The following CENPN variants were observed in gnomAD, a reference collection of about 807,000 sequenced individuals.
CENPN encodes centromere protein N, also known as interphase centromere complex protein 32.
In CENPN, 36 loss-of-function variants were observed where a neutral mutation model predicts 48.6. The observed-to-expected ratio is 0.74, with a 90% CI of 0.57 to 0.98. CENPN has a LOEUF of 0.98. CENPN is among the 50% of genes least tolerant of loss of function. The pLI, the probability that CENPN is intolerant of heterozygous loss-of-function variation, is 0.00. For synonymous variants in CENPN, 166 were observed against 135.2 expected, an observed-to-expected ratio of 1.23 and a Z score of -1.58; for missense variants, 439 against 399.2, an observed-to-expected ratio of 1.10 and a Z score of -0.85.
intron 3 of CENPN, 37 bp downstream of exon 3, chr16:81,014,218 C>A (rs772006356): frequency 5.7e-6 from 9 of 1,579,880 alleles, no homozygotes; most frequent in Non-Finnish European, 7.0e-6. Context: ...CTTAACCAAT[C>A]AGTTTATTAG....
chr16:81,021,286 G>A (rs796323416), intron 6 of CENPN, among the ~76,000 whole-genome samples: 2 of 152,264 alleles, frequency 1.3e-5, no homozygotes, highest in African/African-American at 4.8e-5. Flanking sequence ...TTCTCTTTAT[G>A]GTTCTGCCTT....
At chr16:81,021,716 C>T (rs1970214590) in intron 6 of CENPN, among the ~76,000 whole-genome samples, 1 of 151,914 alleles carries the variant, frequency 6.6e-6, no homozygotes, top group Non-Finnish European at 1.5e-5. Flanking sequence ...GGTGAGTACA[C>T]CTTGCCACAG....
At chr16:81,032,063 T>C (rs1032331743), downstream of CENPN, among the ~76,000 whole-genome samples, 13 of 152,140 alleles carry the variant, frequency 8.5e-5, no homozygotes, top group African/African-American at 3.1e-4. Flanking sequence ...AGAAATACAC[T>C]TGAGAGTCAA....
In CENPN at chr16:81,029,211, T is replaced by C; in HGVS notation, c.*560T>C. ...GTGAGTCAGTTATATAAAATAGTGT[T>C]CTTATTGTAAATATGATACTTCTCA... On this transcript the variant is annotated 3_prime_UTR_variant, in exon 11 of 11. Coordinates refer to ENST00000305850, the MANE Select transcript of CENPN (RefSeq NM_001100624.3). 2.1e-6 allele frequency: 2 copies of C among 939,610 alleles called. No individual in the cohort carries two copies. Among genetic ancestry groups the C allele is most frequent in the Non-Finnish European group, 2.5e-6 (2 of 788,164 alleles). 58.2% of individuals were successfully genotyped at this position (939,610 alleles called of 1,614,324 possible).
chr16:81,014,021 G>T, intron 2 of CENPN, 115 bp from the exon 3 acceptor site: 1 of 699,360 alleles, frequency 1.4e-6, no homozygotes, highest in South Asian at 1.9e-5. Context: ...TGGGTTGTCA[G>T]TAAAGTACTG....
At chr16:81,020,077 CTT>C (rs10602593) in intron 5 of CENPN, 21 bp from the exon 6 acceptor site, 34,628 of 1,019,832 alleles carry the variant, frequency 0.034, 536 homozygotes, top group African/African-American at 0.14. Flanking sequence ...GAAATTAAGC[CTT>C]TTTTTTTTTT....
chr16:81,032,434 C>T (rs1356988541), downstream of CENPN: 3 of 809,168 alleles, frequency 3.7e-6, no homozygotes, highest in South Asian at 1.6e-5. Context: ...TATAAGCGTC[C>T]ACACCCCATT....
rs917310585 is a variant in CENPN, at chr16:81,022,935, A to C, written c.633+237A>C. The C allele has an allele frequency of 2.0e-6, 3 of 1,508,266 alleles. No individual in the cohort carries two copies. The African/African-American group carries it at 4.2e-5, about 21-fold the overall frequency. 93.4% of individuals were successfully genotyped at this position (1,508,266 alleles called of 1,614,324 possible). A position where few individuals can be genotyped will look rare whatever the true frequency, so the allele number is the denominator to read the frequency against. On this transcript the variant is annotated intron_variant, in intron 7 of 10. Coordinates refer to ENST00000305850, the MANE Select transcript of CENPN (RefSeq NM_001100624.3). Reference sequence around the variant, plus strand: ...TTAGTCACTGGAGTCTGTGTTGTAGATCTCAGCTTCCAAATCACCTGATCA... The same window carrying C: ...TTAGTCACTGGAGTCTGTGTTGTAGCTCTCAGCTTCCAAATCACCTGATCA...
chr16:81,009,007 G>T (rs1969630051), intron 1 of CENPN, among the ~76,000 whole-genome samples: 2 of 152,246 alleles, frequency 1.3e-5, no homozygotes, highest in Admixed American at 1.3e-4. Context: ...GGGAGTTCAA[G>T]ACCAGCCTGA....
intron 3 of CENPN, 91 bp downstream of exon 3, chr16:81,014,272 T>C: frequency 9.1e-7 from 1 of 1,094,326 alleles, no homozygotes; most frequent in Non-Finnish European, 1.4e-6. Context: ...TCTCCCTCTG[T>C]CGCCCAGGCT....
At chr16:81,023,047 A>G (rs1357445619) in intron 7 of CENPN, 1 of 630,810 alleles carries the variant, frequency 1.6e-6, no homozygotes, top group East Asian at 3.6e-5. Context: ...GAGAAGTAGA[A>G]TTAACTTTTT....
At position 81,029,430 on chromosome 16, in the gene CENPN, C is replaced by CAATAAAT; in HGVS notation, c.*780_*781insATAAATA. 2.3e-6 allele frequency: 1 copy of CAATAAAT among 427,872 alleles called. No homozygotes were observed. The allele number at this position is 427,872 out of a possible 1,614,324, so 26.5% of individuals were successfully genotyped here. A position where few individuals can be genotyped will look rare whatever the true frequency, so the allele number is the denominator to read the frequency against. On this transcript the variant is annotated 3_prime_UTR_variant, in exon 11 of 11. Coordinates refer to ENST00000305850, the MANE Select transcript of CENPN (RefSeq NM_001100624.3). ...TTATTTATTTATTGAGACAGGGTCTCACTGTGTCACCCAAGCTGGAGTGCA... is the reference window on the plus strand; with the variant it reads ...TTATTTATTTATTGAGACAGGGTCTCAATAAATACTGTGTCACCCAAGCTGGAGTGCA...
intron 1 of CENPN, among the ~76,000 whole-genome samples, chr16:81,010,841 T>C (rs894360925): frequency 6.6e-6 from 1 of 152,198 alleles, no homozygotes; most frequent in African/African-American, 2.4e-5. Flanking sequence ...GGAAACCCCG[T>C]GAGTTCCCTC....
At position 81,011,921 on chromosome 16, in the gene CENPN, T is replaced by A; in HGVS notation, c.-10-9T>A. 1 of 1,609,282 alleles carries A rather than the reference T, an allele frequency of 6.2e-7. No homozygotes were observed. Among genetic ancestry groups the A allele is most frequent in the Non-Finnish European group, 8.5e-7 (1 of 1,176,622 alleles). On this transcript the variant is annotated splice_polypyrimidine_tract_variant and intron_variant, in intron 1 of 10. Coordinates refer to ENST00000305850, the MANE Select transcript of CENPN (RefSeq NM_001100624.3). The stretch of plus-strand genomic sequence containing the variant: ...AATACTTTGTTGTGCTGTTTTTGTT[T>A]TGTAAAAGTGCCAAAGAGATGGATG...
In CENPN at chr16:81,030,202, C is replaced by A. The variant is rs1970708223; in HGVS notation, c.*1551C>A. 1 of 985,328 alleles carries A rather than the reference C, an allele frequency of 1.0e-6. No homozygotes were observed. Among genetic ancestry groups the A allele is most frequent in the Non-Finnish European group, 1.2e-6 (1 of 829,932 alleles). The allele number at this position is 985,328 out of a possible 1,614,324, so 61.0% of individuals were successfully genotyped here. On this transcript the variant is annotated 3_prime_UTR_variant, in exon 11 of 11. Transcript: ENST00000305850. ...ACACTTGTGTGGAGACACAGCCAAA[C>A]CATATCACAGGCATGAGCTACCACG...
chr16:81,016,354 T>G (rs941328868), intron 3 of CENPN, among the ~76,000 whole-genome samples: 1 of 152,150 alleles, frequency 6.6e-6, no homozygotes, highest in Non-Finnish European at 1.5e-5. Context: ...AAATATTGAG[T>G]GCTTGCTTTA....
intron 8 of CENPN, 136 bp downstream of exon 8, chr16:81,024,914 A>G: frequency 2.0e-6 from 1 of 511,694 alleles, no homozygotes; most frequent in Non-Finnish European, 3.4e-6. Flanking sequence ...AAAAGTAAAT[A>G]TCTGTTGAAG....
chr16:81,008,972 C>T (rs986945865), intron 1 of CENPN, among the ~76,000 whole-genome samples: 7 of 152,118 alleles, frequency 4.6e-5, no homozygotes, highest in African/African-American at 9.7e-5. Flanking sequence ...TTTGGGAGGC[C>T]GAGGCGGGAG....
chr16:81,010,991 G>T (rs1183967268), intron 1 of CENPN, among the ~76,000 whole-genome samples: 1 of 152,190 alleles, frequency 6.6e-6, no homozygotes, highest in Non-Finnish European at 1.5e-5. Context: ...TGTCCTGCCT[G>T]TGCTCAGCAC....
Sources: gnomAD v4.1 joint callset for allele counts (sites outside exome capture counted in the v4.1 genomes callset) on GRCh38, gnomAD v4.1.1 for gene constraint, MANE v1.5 for transcripts, NCBI Gene and HGNC (gene_info 2026-07-23, HGNC 2026-07-21) for gene names.